ETFA: variants seen among roughly 807,000 people sequenced by gnomAD.
ETFA encodes electron transfer flavoprotein subunit alpha, also known as electron transfer flavoprotein subunit alpha, mitochondrial.
ETFA carries 22 observed loss-of-function variants against 46.2 expected under a neutral mutation model. The observed-to-expected ratio is 0.48, with a 90% CI of 0.34 to 0.68. ETFA has a LOEUF of 0.68. Ranked by LOEUF, ETFA falls within the 30% of genes least tolerant of loss-of-function variation. The probability of loss-of-function intolerance (pLI) is 0.01; values close to 1 mark genes in which losing one functional copy is unlikely to be tolerated. For missense variants in ETFA, 345 were observed against 401.1 expected (o/e 0.86, Z 1.19); for synonymous variants, 131 against 139.9 (o/e 0.94, Z 0.45).
At chr15:76,287,739 C>T in intron 5 of ETFA, 107 bp downstream of exon 5, 1 of 846,068 alleles carries the variant, frequency 1.2e-6, no homozygotes, top group South Asian at 1.5e-5. Context: ...TAAGATGGTC[C>T]ACTTAAAGCA....
At chr15:76,258,891 C>T (rs2039373560) in intron 9 of ETFA, 8 of 831,172 alleles carry the variant, frequency 9.6e-6, no homozygotes, top group South Asian at 8.0e-5. Context: ...AGCCTCCACA[C>T]CTTGCTGTCT....
intron 4 of ETFA, among the ~76,000 whole-genome samples, chr15:76,288,918 TTC>T (rs1236757718): frequency 6.7e-5 from 5 of 74,092 alleles, no homozygotes; most frequent in Admixed American, 1.9e-4. Flanking sequence ...CTTCTTCTTC[TTC>T]TTTTTTTTTT....
At chr15:76,272,160 ACT>A (rs2039541145) in intron 9 of ETFA, among the ~76,000 whole-genome samples, 1 of 148,682 alleles carries the variant, frequency 6.7e-6, no homozygotes, top group Non-Finnish European at 1.5e-5. Flanking sequence ...AACCACAAGC[ACT>A]CTCTGTCAGT....
chr15:76,244,197 A>G (rs1052535899), intron 9 of ETFA, among the ~76,000 whole-genome samples: 9 of 152,316 alleles, frequency 5.9e-5, no homozygotes, highest in African/African-American at 2.2e-4. Flanking sequence ...CAAAATGTTT[A>G]TTTAAGAGAA....
rs1425469443 is a variant in ETFA, at chr15:76,260,016, C to T, written c.816+14396G>A. 2.0e-6 allele frequency: 3 copies of T among 1,479,966 alleles called. No homozygotes were observed. In the Middle Eastern group the frequency reaches 5.2e-4, roughly 258 times the overall value. 91.7% of individuals were successfully genotyped at this position (1,479,966 alleles called of 1,614,324 possible). Reference sequence around the variant, plus strand: ...TCATGCAAGCTGCTTTCCTGAGGAACTCTTCAATGTCACTTGAGGCAATGA... The same window carrying T: ...TCATGCAAGCTGCTTTCCTGAGGAATTCTTCAATGTCACTTGAGGCAATGA... On this transcript the variant is annotated intron_variant, in intron 9 of 11. Coordinates refer to ENST00000557943, the MANE Select transcript of ETFA (RefSeq NM_000126.4).
chr15:76,279,490 T>TG (rs2039627120), intron 8 of ETFA, among the ~76,000 whole-genome samples: 1 of 152,160 alleles, frequency 6.6e-6, no homozygotes, highest in South Asian at 2.1e-4. Flanking sequence ...TTGCCCAGGC[T>TG]GGTCTCAAAC....
intron 9 of ETFA, among the ~76,000 whole-genome samples, chr15:76,234,138 G>A (rs1237152925): frequency 6.6e-6 from 1 of 152,086 alleles, no homozygotes. Context: ...GGATCCACAT[G>A]ACCAACAGGA....
Position 76,219,776 on chromosome 15 carries a change from T to C in ETFA, c.964-3179A>G, listed in dbSNP as rs147969680. ...AGGAAAACGCAAATCAAAGTCACAA[T>C]GAGACACCACTTCACACCTACTAGG... On this transcript the variant is annotated intron_variant, in intron 11 of 11. Coordinates refer to ENST00000557943, the MANE Select transcript of ETFA (RefSeq NM_000126.4). Among the ~76,000 whole-genome samples, 419 of 152,266 alleles carry C rather than the reference T, an allele frequency of 2.8e-3. 1 individual carries two copies. Among genetic ancestry groups the C allele is most frequent in the African/African-American group, 9.5e-3 (395 of 41,526 alleles).
intron 1 of ETFA, among the ~76,000 whole-genome samples, chr15:76,303,290 A>G (rs2039899260): frequency 6.6e-6 from 1 of 152,180 alleles, no homozygotes; most frequent in Non-Finnish European, 1.5e-5. Flanking sequence ...CCTGGGTGAC[A>G]AAGCAAGTCT....
intron 9 of ETFA, among the ~76,000 whole-genome samples, chr15:76,270,366 G>C (rs929607338): frequency 2.0e-5 from 3 of 152,196 alleles, no homozygotes; most frequent in African/African-American, 4.8e-5. Flanking sequence ...TGTGGTATGA[G>C]ACTAGAATTG....
chr15:76,222,531 T>TCAGACTAG (rs1173197526), intron 11 of ETFA, among the ~76,000 whole-genome samples: 2 of 152,196 alleles, frequency 1.3e-5, no homozygotes, highest in African/African-American at 4.8e-5. Context: ...GCGTACTCTG[T>TCAGACTAG]AGGTTCCTAG....
intron 2 of ETFA, among the ~76,000 whole-genome samples, chr15:76,294,039 T>C (rs74843424): frequency 0.021 from 3,220 of 152,292 alleles, 109 homozygotes; most frequent in African/African-American, 0.074. Flanking sequence ...TTATGACAAG[T>C]AGCTGAATAA....
At chr15:76,258,085 G>A (rs371236115) in intron 9 of ETFA, among the ~76,000 whole-genome samples, 133 of 151,550 alleles carry the variant, frequency 8.8e-4, no homozygotes, top group Middle Eastern at 3.4e-3. Context: ...ACGAGTTAAC[G>A]GGTGCAGCAC....
chr15:76,293,456 A>G (rs75007725), intron 2 of ETFA, among the ~76,000 whole-genome samples: 1,797 of 152,334 alleles, frequency 0.012, 40 homozygotes, highest in African/African-American at 0.042. Flanking sequence ...ATATTTATCT[A>G]TGACAAAGCA....
At chr15:76,281,247 C>T (rs562157207) in intron 8 of ETFA, among the ~76,000 whole-genome samples, 2 of 152,152 alleles carry the variant, frequency 1.3e-5, no homozygotes, top group Admixed American at 6.5e-5. Flanking sequence ...TCAAGTGATC[C>T]GCCCGCCTTG....
intron 9 of ETFA, among the ~76,000 whole-genome samples, chr15:76,249,065 T>C (rs1234302452): frequency 6.6e-6 from 1 of 151,690 alleles, no homozygotes; most frequent in East Asian, 1.9e-4. Context: ...TTCATTCCCA[T>C]CAGGCCAGCA....
chr15:76,224,544 G>A (rs1272613775), intron 11 of ETFA, among the ~76,000 whole-genome samples: 1 of 152,142 alleles, frequency 6.6e-6, no homozygotes, highest in Non-Finnish European at 1.5e-5. Context: ...AAGTACAAAT[G>A]TACTCTCCAA....
intron 8 of ETFA, 128 bp downstream of exon 8, chr15:76,283,629 A>G: frequency 1.4e-6 from 1 of 737,216 alleles, no homozygotes; most frequent in Non-Finnish European, 2.3e-6. Flanking sequence ...GTTCAGAGAG[A>G]AAAACTGAAA....
chr15:76,217,880 A>G (rs2038913803), intron 11 of ETFA, among the ~76,000 whole-genome samples: 1 of 152,250 alleles, frequency 6.6e-6, no homozygotes, highest in South Asian at 2.1e-4. Context: ...TACAAAATTT[A>G]TTAAGGAAAT....
Sources: allele counts gnomAD v4.1 joint callset (sites outside exome capture counted in the v4.1 genomes callset), GRCh38; gene constraint gnomAD v4.1.1; transcripts MANE v1.5; gene names NCBI Gene and HGNC (gene_info 2026-07-23, HGNC 2026-07-21).